Variants in DIABLO observed in about 807,000 individuals in gnomAD.
The protein encoded by DIABLO is diablo homolog, mitochondrial.
In DIABLO, 32 loss-of-function variants were observed where a neutral mutation model predicts 31.7. The ratio of observed to expected loss-of-function variants is 1.01; its 90% confidence interval spans 0.76 to 1.35. DIABLO has a LOEUF of 1.35. Ranked by LOEUF, DIABLO falls within the 40% of genes most tolerant of loss-of-function variation. The probability of loss-of-function intolerance (pLI) is 0.00; values close to 1 mark genes in which losing one functional copy is unlikely to be tolerated. For missense variants in DIABLO, 316 were observed against 286.4 expected, an observed-to-expected ratio of 1.10 and a Z score of -0.75; for synonymous variants, 132 against 103.2, an observed-to-expected ratio of 1.28 and a Z score of -1.69.
chr12:122,220,833 A>G (rs1954319510), intron 2 of DIABLO: 1 of 152,220 alleles, frequency 6.6e-6, no homozygotes, highest in African/African-American at 2.4e-5. Flanking sequence ...AGTATTCATT[A>G]GGCATCTTAT....
chr12:122,226,111 A>G (rs532792133), upstream of DIABLO: 4,286 of 1,505,678 alleles, frequency 2.8e-3, 10 homozygotes, highest in Non-Finnish European at 3.4e-3. Context: ...GCCTCGCCCC[A>G]TAGCCACGCC....
chr12:122,212,625 ATTTT>A (rs1229680409), intron 5 of DIABLO, among the ~76,000 whole-genome samples: 2 of 131,106 alleles, frequency 1.5e-5, no homozygotes, highest in African/African-American at 6.5e-5. Flanking sequence ...TTATTTATTT[ATTTT>A]TGTTTTTTTT....
chr12:122,217,054 G>A, intron 3 of DIABLO, 185 bp from the exon 4 acceptor site: 1 of 562,142 alleles, frequency 1.8e-6, no homozygotes, highest in Non-Finnish European at 3.2e-6. Flanking sequence ...ATCTCCATCT[G>A]TAAACTTCTG....
chr12:122,219,934 G>GA (rs1954298511), intron 2 of DIABLO, among the ~76,000 whole-genome samples: 1 of 145,854 alleles, frequency 6.9e-6, no homozygotes, highest in Non-Finnish European at 1.5e-5. Context: ...TTGATGGGGG[G>GA]ACCTCGGTTA....
rs752826028 is a variant in DIABLO, at chr12:122,224,596, C to A, written c.99G>T (p.Arg33=). The change falls in exon 2 of 6, where the codon CGG becomes CGT. Residue 33 remains arginine (R), a synonymous_variant. Coordinates refer to ENST00000464942, the MANE Select transcript of DIABLO (RefSeq NM_001371333.1). The part of the protein sequence containing the change: ...CVPVVANFKK[R]CFSELIRPWH... ...ATGGTCTTATCAATTCTGAGAAACA[C>A]CGCTTCTTAAAGTTAGCCACAACAG... 74 of 1,613,984 alleles carry A rather than the reference C, an allele frequency of 4.6e-5. No individual in the cohort carries two copies. Among genetic ancestry groups the A allele is most frequent in the Non-Finnish European group, 6.0e-5 (71 of 1,180,048 alleles).
intron 5 of DIABLO, among the ~76,000 whole-genome samples, chr12:122,210,124 T>G (rs1157474233): frequency 6.6e-6 from 1 of 152,126 alleles, no homozygotes; most frequent in African/African-American, 2.4e-5. Context: ...TACGTTTGAT[T>G]TACGGCTACA....
chr12:122,208,946 C>T (rs1954010968), intron 5 of DIABLO: 1 of 368,088 alleles, frequency 2.7e-6, no homozygotes, highest in Admixed American at 3.8e-5. Flanking sequence ...GTCAAAGATC[C>T]CTTTCATCAC....
At position 122,225,987 on chromosome 12, in the gene DIABLO, G is replaced by C. The variant is rs370060703; in HGVS notation, c.28C>G (p.Arg10Gly). ...TACCTGAAGAATGAAGTTACGCTGC[G>C]CGACAGCCAACTCTTCAGAGCCGCC... MAALKSWLS[R>G]SVTSFFRYRQ... Residue 10 changes from arginine (R) to glycine (G), a missense_variant, in exon 1 of 6, where the codon CGC (arginine) becomes GGC (glycine). Coordinates refer to ENST00000464942, the MANE Select transcript of DIABLO (RefSeq NM_001371333.1). The C allele has an allele frequency of 1.9e-6, 3 of 1,602,536 alleles. No individual in the cohort carries two copies. Among genetic ancestry groups the C allele is most frequent in the Admixed American group, 1.7e-5 (1 of 58,810 alleles).
At chr12:122,225,675 G>C in intron 1 of DIABLO, 2 of 1,376,874 alleles carry the variant, frequency 1.5e-6, no homozygotes, top group Non-Finnish European at 1.9e-6. Flanking sequence ...CAGGGACTTC[G>C]AGTGGCTGAC....
intron 5 of DIABLO, among the ~76,000 whole-genome samples, chr12:122,215,778 T>C (rs1431047985): frequency 1.3e-5 from 2 of 150,616 alleles, no homozygotes; most frequent in Non-Finnish European, 2.9e-5. Flanking sequence ...GGCTCATGCC[T>C]ATAATCCCAG....
chr12:122,209,951 T>C lies in DIABLO; in HGVS notation c.524-1374A>G, dbSNP rs886517966. The C allele has an allele frequency of 2.9e-5, 18 of 619,956 alleles. No individual in the cohort carries two copies. In the Admixed American group the frequency reaches 3.9e-4, roughly 14 times the overall value. The allele number at this position is 619,956 out of a possible 1,614,324, so 38.4% of individuals were successfully genotyped here. A position where few individuals can be genotyped will look rare whatever the true frequency, so the allele number is the denominator to read the frequency against. Reference sequence around the variant, plus strand: ...ATTGTACTTAGATTCGAATCATAAATGGCTACTACACTGAAGATGTTTTGG... The same window carrying C: ...ATTGTACTTAGATTCGAATCATAAACGGCTACTACACTGAAGATGTTTTGG... On this transcript the variant is annotated intron_variant, in intron 5 of 5. Transcript: ENST00000464942.
At chr12:122,225,610 G>C (rs911704824) in intron 1 of DIABLO, 5 of 1,231,944 alleles carry the variant, frequency 4.1e-6, no homozygotes, top group East Asian at 4.6e-5. Flanking sequence ...TCAGACGCTC[G>C]TCTCCCTTCC....
intron 2 of DIABLO, among the ~76,000 whole-genome samples, chr12:122,219,181 C>T (rs1286310426): frequency 2.0e-5 from 3 of 151,540 alleles, no homozygotes; most frequent in African/African-American, 4.8e-5. Flanking sequence ...TGCAGTGAGC[C>T]GAGATTGCAC....
intron 2 of DIABLO, among the ~76,000 whole-genome samples, chr12:122,223,363 G>T (rs138044052): frequency 0.029 from 4,339 of 151,914 alleles, 193 homozygotes; most frequent in African/African-American, 0.1. Context: ...GAACCTGGGA[G>T]GCGGAGGTTG....
chr12:122,216,452 AT>A (rs79009021), intron 5 of DIABLO, 35 bp downstream of exon 5: 2,173 of 1,453,376 alleles, frequency 1.5e-3, no homozygotes, highest in African/African-American at 3.0e-3. Context: ...TAGTTAAAAA[AT>A]TAAAAAAAAA....
At chr12:122,212,904 C>T (rs535006984) in intron 5 of DIABLO, among the ~76,000 whole-genome samples, 24 of 151,810 alleles carry the variant, frequency 1.6e-4, no homozygotes, top group African/African-American at 5.3e-4. Context: ...GGATTACAGG[C>T]GTGAGCCACT....
intron 2 of DIABLO, chr12:122,222,553 G>A (rs1396636405): frequency 2.8e-5 from 4 of 143,316 alleles, no homozygotes; most frequent in Non-Finnish European, 6.0e-5. Flanking sequence ...CTGGGCAACA[G>A]AGCGAGACTC....
chr12:122,222,795 CT>C (rs1250886944), intron 2 of DIABLO, among the ~76,000 whole-genome samples: 2 of 152,052 alleles, frequency 1.3e-5, no homozygotes, highest in African/African-American at 4.8e-5. Flanking sequence ...TTTCGTGCTC[CT>C]ATGAGAATCC....
chr12:122,212,065 A>G (rs1954100842), intron 5 of DIABLO, among the ~76,000 whole-genome samples: 1 of 149,824 alleles, frequency 6.7e-6, no homozygotes, highest in African/African-American at 2.5e-5. Flanking sequence ...CGAACTCTTG[A>G]CCTCAGCTGA....
Sources: gnomAD v4.1 joint callset for allele counts (sites outside exome capture counted in the v4.1 genomes callset) on GRCh38, gnomAD v4.1.1 for gene constraint, MANE v1.5 for transcripts, NCBI Gene and HGNC (gene_info 2026-07-23, HGNC 2026-07-21) for gene names.